CACNA2D1: variants seen among roughly 807,000 people sequenced by gnomAD.
CACNA2D1 encodes voltage-dependent calcium channel subunit alpha-2/delta-1.
Under a neutral mutation model 171.5 loss-of-function variants are expected in CACNA2D1, and 53 were observed. The ratio of observed to expected loss-of-function variants is 0.31; its 90% CI spans 0.25 to 0.39. The LOEUF is 0.39. CACNA2D1 is among the 10% of genes least tolerant of loss of function. CACNA2D1 has a pLI of 1.00. For synonymous variants in CACNA2D1, 442 were observed against 443.1 expected (o/e 1.00, Z 0.03); for missense variants, 903 against 1,299.8 (o/e 0.69, Z 4.69).
intron 1 of CACNA2D1, among the ~76,000 whole-genome samples, chr7:82,440,570 G>A (rs1830425050): frequency 6.6e-6 from 1 of 151,766 alleles, no homozygotes; most frequent in Non-Finnish European, 1.5e-5. Flanking sequence ...ACCTTAGGGA[G>A]ACAAACATTT....
intron 3 of CACNA2D1, among the ~76,000 whole-genome samples, chr7:82,277,254 G>A (rs914133759): frequency 3.9e-5 from 6 of 152,172 alleles, no homozygotes; most frequent in African/African-American, 1.2e-4. Flanking sequence ...CCAGGCTGTA[G>A]TGCAGTGGCA....
chr7:82,253,986 C>A (rs1363800759), intron 3 of CACNA2D1, among the ~76,000 whole-genome samples: 1 of 152,046 alleles, frequency 6.6e-6, no homozygotes, highest in Non-Finnish European at 1.5e-5. Context: ...AAAAACAAAG[C>A]ATTAAAAGTT....
chr7:82,177,212 T>C (rs1796636928), intron 3 of CACNA2D1, among the ~76,000 whole-genome samples: 2 of 151,802 alleles, frequency 1.3e-5, no homozygotes, highest in South Asian at 4.1e-4. Flanking sequence ...TATAACTTTA[T>C]GTAAGAAAAA....
intron 10 of CACNA2D1, among the ~76,000 whole-genome samples, chr7:82,049,232 T>C (rs1804919160): frequency 6.6e-6 from 1 of 151,116 alleles, no homozygotes; most frequent in Non-Finnish European, 1.5e-5. Context: ...CTGTCCATAA[T>C]TTCTTTATGT....
At chr7:82,234,918 A>G (rs1803371322) in intron 3 of CACNA2D1, among the ~76,000 whole-genome samples, 1 of 152,184 alleles carries the variant, frequency 6.6e-6, no homozygotes, top group African/African-American at 2.4e-5. Flanking sequence ...AAACAGAATT[A>G]GTATTAAGTA....
intron 4 of CACNA2D1, among the ~76,000 whole-genome samples, chr7:82,164,905 T>G (rs1372407417): frequency 1.3e-5 from 2 of 152,012 alleles, no homozygotes; most frequent in Non-Finnish European, 2.9e-5. Flanking sequence ...TTTAATAAAA[T>G]GTAGCTCAAG....
chr7:82,072,938 G>C (rs1195904870), intron 7 of CACNA2D1, among the ~76,000 whole-genome samples: 1 of 152,154 alleles, frequency 6.6e-6, no homozygotes, highest in Non-Finnish European at 1.5e-5. Flanking sequence ...TGAGTCACTG[G>C]AACTATAGAT....
intron 34 of CACNA2D1, among the ~76,000 whole-genome samples, chr7:81,962,701 T>G (rs190640144): frequency 6.6e-6 from 1 of 151,986 alleles, no homozygotes; most frequent in Non-Finnish European, 1.5e-5. Flanking sequence ...AGTGTTCAGA[T>G]CTTGTTCAGG....
chr7:82,271,133 C>T lies in CACNA2D1; in HGVS notation c.294+64002G>A, dbSNP rs73164258. On this transcript the variant is annotated intron_variant, in intron 3 of 38. Transcript: ENST00000356860. ...CCTAAATGAAAGTACATATCCACTA[C>T]CATCCTCTCTCTCAGAAGTGTCAAT... Among the ~76,000 whole-genome samples, 1,271 of 152,212 alleles carry T rather than the reference C, an allele frequency of 8.4e-3. 9 individuals are homozygous for T. Among genetic ancestry groups the T allele is most frequent in the Non-Finnish European group, 0.015 (1,018 of 67,960 alleles).
At chr7:82,051,510 G>A (rs373352805) in intron 10 of CACNA2D1, among the ~76,000 whole-genome samples, 1 of 151,998 alleles carries the variant, frequency 6.6e-6, no homozygotes, top group East Asian at 1.9e-4. Context: ...ATTTTATAAT[G>A]ACTGTGAATT....
chr7:82,139,100 A>G (rs2129083817), intron 4 of CACNA2D1, among the ~76,000 whole-genome samples: 1 of 152,296 alleles, frequency 6.6e-6, no homozygotes, highest in South Asian at 2.1e-4. Flanking sequence ...TTGTGCCAAG[A>G]AAGGCAAAAA....
chr7:82,360,790 C>T (rs1240494306), intron 1 of CACNA2D1, among the ~76,000 whole-genome samples: 2 of 152,112 alleles, frequency 1.3e-5, no homozygotes, highest in Non-Finnish European at 2.9e-5. Context: ...ACTCATGTGG[C>T]ACTTCTTTTA....
At chr7:82,315,432 G>T (rs1476716433) in intron 3 of CACNA2D1, among the ~76,000 whole-genome samples, 3 of 151,968 alleles carry the variant, frequency 2.0e-5, no homozygotes, top group Non-Finnish European at 4.4e-5. Context: ...ACAATAAATG[G>T]TAAGTTGGAA....
chr7:81,955,848 G>GATAGATTTATAATT (rs1180814020), intron 38 of CACNA2D1, among the ~76,000 whole-genome samples: 1 of 129,228 alleles, frequency 7.7e-6, no homozygotes, highest in Non-Finnish European at 1.5e-5. Context: ...TTATTGCCAT[G>GATAGATTTATAATT]ATAGATTTAT....
chr7:82,206,506 T>C, intron 3 of CACNA2D1, among the ~76,000 whole-genome samples: 1 of 152,068 alleles, frequency 6.6e-6, no homozygotes, highest in East Asian at 1.9e-4. Flanking sequence ...TAAACCAAAT[T>C]AGATACTTAG....
chr7:82,402,033 A>T (rs777906360), intron 1 of CACNA2D1, among the ~76,000 whole-genome samples: 31 of 152,230 alleles, frequency 2.0e-4, no homozygotes, highest in Non-Finnish European at 1.6e-4. Flanking sequence ...TTTCCTAAAA[A>T]CTATGGCAAT....
intron 4 of CACNA2D1, among the ~76,000 whole-genome samples, chr7:82,160,147 A>G (rs905610473): frequency 6.6e-6 from 1 of 151,866 alleles, no homozygotes; most frequent in African/African-American, 2.4e-5. Context: ...ACTTCCTACT[A>G]GCCTCTATGA....
At chr7:82,147,037 T>C (rs913619879) in intron 4 of CACNA2D1, among the ~76,000 whole-genome samples, 5 of 46,456 alleles carry the variant, frequency 1.1e-4, no homozygotes, top group Non-Finnish European at 2.2e-4. Context: ...GAAATTCTAA[T>C]AAAATAACAA....
chr7:81,964,530 A>G (rs1285812523), intron 32 of CACNA2D1, among the ~76,000 whole-genome samples, 171 bp from the exon 33 acceptor site: 2 of 151,992 alleles, frequency 1.3e-5, no homozygotes, highest in East Asian at 1.9e-4. Flanking sequence ...TGAACAAACT[A>G]AAATGAGAGT....
Sources: gnomAD v4.1 joint callset for allele counts (sites outside exome capture counted in the v4.1 genomes callset) on GRCh38, gnomAD v4.1.1 for gene constraint, MANE v1.5 for transcripts, NCBI Gene and HGNC (gene_info 2026-07-23, HGNC 2026-07-21) for gene names.